The following GNPDA2 variants were observed in gnomAD, a reference collection of about 807,000 sequenced individuals.
The protein encoded by GNPDA2 is glucosamine-6-phosphate deaminase 2.
GNPDA2 carries 24 observed loss-of-function variants against 27.0 expected under a neutral mutation model. That is an observed-to-expected ratio of 0.89 (90% confidence interval 0.64 to 1.25). The LOEUF is 1.25. GNPDA2 is among the 50% of genes most tolerant of loss of function. GNPDA2 has a pLI of 0.00. For missense variants in GNPDA2, 286 were observed against 335.1 expected (o/e 0.85, Z 1.14); for synonymous variants, 94 against 108.4 (o/e 0.87, Z 0.83).
intron 5 of GNPDA2, among the ~76,000 whole-genome samples, chr4:44,709,099 A>G (rs1716804176): frequency 6.6e-6 from 1 of 152,076 alleles, no homozygotes; most frequent in Non-Finnish European, 1.5e-5. Flanking sequence ...ATGGATGCAC[A>G]CTCTAAAAAG....
chr4:44,702,313 A>G lies in GNPDA2; in HGVS notation c.*768T>C, dbSNP rs1286600375. On this transcript the variant is annotated 3_prime_UTR_variant, in exon 7 of 7. Transcript: ENST00000295448. ...ATAAAGCTAATTGTATATTAAGTTTAACAATAATCAGAAAATATTCTCCAA... is the reference window on the plus strand; with the variant it reads ...ATAAAGCTAATTGTATATTAAGTTTGACAATAATCAGAAAATATTCTCCAA... The G allele has an allele frequency of 7.2e-6, 5 of 694,018 alleles. No individual in the cohort carries two copies. In the East Asian group the frequency reaches 6.7e-4, roughly 93 times the overall value. 43.0% of individuals were successfully genotyped at this position (694,018 alleles called of 1,614,324 possible). A position where few individuals can be genotyped will look rare whatever the true frequency, so the allele number is the denominator to read the frequency against.
At position 44,703,096 on chromosome 4, in the gene GNPDA2, C is replaced by A; in HGVS notation, c.816G>T (p.Met272Ile). ...CCAGTCTCCTTCAGTTTCCATCTTT[C>A]ATACTGAATAGTGGATCCACAAGTT... is the stretch of plus-strand genomic sequence containing the variant. The part of the protein sequence containing the change: ...HNKLVDPLFS[M>I]KDGN Residue 272 changes from methionine (M) to isoleucine (I), a missense_variant, in exon 7 of 7, where the codon ATG (methionine) becomes ATT (isoleucine). By Grantham distance (10) the Met-to-Ile change is conservative (BLOSUM62 1). Coordinates refer to ENST00000295448, the MANE Select transcript of GNPDA2 (RefSeq NM_138335.3). 1 of 1,612,074 alleles carries A rather than the reference C, an allele frequency of 6.2e-7. No individual in the cohort carries two copies. Among genetic ancestry groups the A allele is most frequent in the South Asian group, 1.1e-5 (1 of 90,764 alleles).
chr4:44,720,216 A>C (rs550872419), intron 2 of GNPDA2, among the ~76,000 whole-genome samples: 1 of 152,222 alleles, frequency 6.6e-6, no homozygotes, highest in South Asian at 2.1e-4. Context: ...ACCTCACATA[A>C]AGCTCACAAT....
chr4:44,705,806 C>T (rs1220934550), intron 6 of GNPDA2: 1 of 151,838 alleles, frequency 6.6e-6, no homozygotes, highest in Non-Finnish European at 1.5e-5. Flanking sequence ...GGGTAAGTAG[C>T]TTAACGTCTC....
chr4:44,705,493 T>C lies in GNPDA2; in HGVS notation c.769+2259A>G, dbSNP rs1389939703. The C allele has an allele frequency of 3.0e-6, 3 of 984,990 alleles. No individual in the cohort carries two copies. In the African/African-American group the frequency reaches 5.2e-5, roughly 17 times the overall value. The allele number at this position is 984,990 out of a possible 1,614,324, so 61.0% of individuals were successfully genotyped here. A position where few individuals can be genotyped will look rare whatever the true frequency, so the allele number is the denominator to read the frequency against. On this transcript the variant is annotated intron_variant, in intron 6 of 6. Transcript: ENST00000295448. Reference sequence around the variant, plus strand: ...TGCAGCTATCCTCTCACGAATGGTCTGTTTCAAAATTTTTCAGAAGAGCTT... The same window carrying C: ...TGCAGCTATCCTCTCACGAATGGTCCGTTTCAAAATTTTTCAGAAGAGCTT...
At chr4:44,716,529 T>C (rs79247658) in intron 4 of GNPDA2, among the ~76,000 whole-genome samples, 107 of 117,244 alleles carry the variant, frequency 9.1e-4, no homozygotes, top group Non-Finnish European at 1.6e-3. Flanking sequence ...TACACACACA[T>C]ATATAAATTA....
At chr4:44,712,563 T>C (rs1351451083) in intron 4 of GNPDA2, among the ~76,000 whole-genome samples, 1 of 152,174 alleles carries the variant, frequency 6.6e-6, no homozygotes, top group African/African-American at 2.4e-5. Context: ...CATTAAATTA[T>C]CTAGATTTGT....
Position 44,702,841 on chromosome 4 carries a change from T to A in GNPDA2, c.*240A>T. 1 of 1,341,714 alleles carries A rather than the reference T, an allele frequency of 7.5e-7. No homozygotes were observed. Among genetic ancestry groups the A allele is most frequent in the Non-Finnish European group, 9.5e-7 (1 of 1,052,512 alleles). 83.1% of individuals were successfully genotyped at this position (1,341,714 alleles called of 1,614,324 possible). On this transcript the variant is annotated 3_prime_UTR_variant, in exon 7 of 7. Coordinates refer to ENST00000295448, the MANE Select transcript of GNPDA2 (RefSeq NM_138335.3). ...ATTTCTATGCTGTTTTATAGGTGGC[T>A]ATGTGACTTCAGTACTTTATAATAA... is the stretch of plus-strand genomic sequence containing the variant.
intron 2 of GNPDA2, among the ~76,000 whole-genome samples, chr4:44,718,892 T>C (rs1717493956): frequency 6.6e-6 from 1 of 152,018 alleles, no homozygotes; most frequent in Admixed American, 6.6e-5. Flanking sequence ...GTAGGGACTT[T>C]AGCCTTACAG....
rs1716375240 is a variant in GNPDA2 at position 44,703,138 on chromosome 4, T to C, written c.774A>G (p.Leu258=). 1.9e-6 allele frequency: 3 copies of C among 1,609,056 alleles called. No homozygotes were observed. ...CCACAAGTTTATTGTGCACATGCAT[T>C]AGACCTTAAAGAAAAAAAGCACAGT... ...RVKTVKYFKG[L]MHVHNKLVDP... The change falls in exon 7 of 7, where the codon CTA becomes CTG. Residue 258 remains leucine, a synonymous_variant. Coordinates refer to ENST00000295448, the MANE Select transcript of GNPDA2 (RefSeq NM_138335.3).
At chr4:44,712,890 TTAAGA>T (rs1698689400) in intron 4 of GNPDA2, among the ~76,000 whole-genome samples, 1 of 152,230 alleles carries the variant, frequency 6.6e-6, no homozygotes, top group Admixed American at 6.5e-5. Context: ...TAAGTCTAAA[TTAAGA>T]TATCAGCACC....
At position 44,722,108 on chromosome 4, in the gene GNPDA2, A is replaced by G; in HGVS notation, c.100T>C (p.Tyr34His). ...CCTGTTGGTAAACCCAGTGTAAAAT[A>G]TCTGTCCTGTCCAGGTTTGAACTGA... ...IIQFKPGQDR[Y>H]FTLGLPTGST... The change falls in exon 2 of 7, where the codon TAT (tyrosine) becomes CAT (histidine). Residue 34 changes from tyrosine to histidine, a missense_variant. By Grantham distance (83) the Tyr-to-His change is moderately conservative. Transcript: ENST00000295448. 6.2e-7 allele frequency: 1 copy of G among 1,612,500 alleles called. No individual in the cohort carries two copies. Among genetic ancestry groups the G allele is most frequent in the South Asian group, 1.1e-5 (1 of 90,806 alleles).
chr4:44,720,847 A>G (rs145332260), intron 2 of GNPDA2, among the ~76,000 whole-genome samples: 2 of 152,278 alleles, frequency 1.3e-5, no homozygotes, highest in Non-Finnish European at 2.9e-5. Context: ...AAAGATGTTT[A>G]GCACTGCTGA....
rs1343707066 is a variant in GNPDA2 at position 44,717,115 on chromosome 4, C to G, written c.407G>C (p.Gly136Ala). The G allele has an allele frequency of 6.3e-7, 1 of 1,599,658 alleles. No homozygotes were observed. Among genetic ancestry groups the G allele is most frequent in the African/African-American group, 1.3e-5 (1 of 74,290 alleles). ...KEAGGIDLFVGGIGPDGHIAF... is the reference protein window; with the variant it reads ...KEAGGIDLFVAGIGPDGHIAF... ...AATGACAAAAGGTTTTTACATACCT[C>G]CAACAAAAAGATCTATTCCTCCAGC... is the stretch of plus-strand genomic sequence containing the variant. The change falls in exon 4 of 7, where the codon GGA becomes GCA. Residue 136 changes from glycine to alanine, a missense_variant and splice_region_variant. Coordinates refer to ENST00000295448, the MANE Select transcript of GNPDA2 (RefSeq NM_138335.3).
Position 44,705,052 on chromosome 4 carries a change from A to G in GNPDA2, c.770-1910T>C, listed in dbSNP as rs531513523. ...TTGAAATAAACTTGCATTTACTGAC[A>G]ATTTTTATTGTTTTGGATCTAGTTA... On this transcript the variant is annotated intron_variant, in intron 6 of 6. Coordinates refer to ENST00000295448, the MANE Select transcript of GNPDA2 (RefSeq NM_138335.3). 39 of 983,666 alleles carry G rather than the reference A, an allele frequency of 4.0e-5. No homozygotes were observed. In the African/African-American group the frequency reaches 5.6e-4, roughly 14 times the overall value. 60.9% of individuals were successfully genotyped at this position (983,666 alleles called of 1,614,324 possible).
At chr4:44,723,476 TGTAA>T (rs1229964079) in intron 1 of GNPDA2, among the ~76,000 whole-genome samples, 3 of 152,154 alleles carry the variant, frequency 2.0e-5, no homozygotes, top group African/African-American at 4.8e-5. Context: ...AACTCCCACT[TGTAA>T]GTGAGAACAT....
intron 5 of GNPDA2, among the ~76,000 whole-genome samples, chr4:44,709,538 G>A (rs1008013430): frequency 2.6e-5 from 4 of 152,132 alleles, no homozygotes; most frequent in Non-Finnish European, 5.9e-5. Flanking sequence ...GACAACCAGT[G>A]CTCAGGCAGA....
intron 4 of GNPDA2, 122 bp from the exon 5 acceptor site, chr4:44,711,259 G>A: frequency 1.9e-6 from 1 of 521,120 alleles, no homozygotes. Flanking sequence ...TCCTATTACT[G>A]CATTAAAATA....
chr4:44,709,792 G>A (rs1401926802), intron 5 of GNPDA2, among the ~76,000 whole-genome samples: 2 of 123,110 alleles, frequency 1.6e-5, no homozygotes, highest in Non-Finnish European at 3.5e-5. Flanking sequence ...GTGAGACCTT[G>A]TCACTTCCAA....
Sources: gnomAD v4.1 joint callset for allele counts (sites outside exome capture counted in the v4.1 genomes callset) on GRCh38, gnomAD v4.1.1 for gene constraint, MANE v1.5 for transcripts, NCBI Gene and HGNC (gene_info 2026-07-23, HGNC 2026-07-21) for gene names.